Variants in TPCN2 observed in about 807,000 individuals in gnomAD.
The protein encoded by TPCN2 is two pore channel protein 2.
A neutral mutation model predicts 111.4 loss-of-function variants in TPCN2; 92 were observed. That is an observed-to-expected ratio of 0.83 (90% CI 0.70 to 0.98). The LOEUF is 0.98. Among genes scored for constraint, TPCN2 ranks in the 50% least tolerant of loss-of-function variants. The pLI, the probability that TPCN2 is intolerant of heterozygous loss-of-function variation, is 0.00. For synonymous variants in TPCN2, 405 were observed against 414.5 expected (o/e 0.98, Z 0.28); for missense variants, 995 against 980.1 (o/e 1.02, Z -0.20).
intron 1 of TPCN2, among the ~76,000 whole-genome samples, chr11:69,050,789 C>T (rs929873741): frequency 4.6e-5 from 7 of 152,194 alleles, no homozygotes; most frequent in African/African-American, 1.2e-4. Flanking sequence ...CAGGGCCCGG[C>T]GGGCTGGTGT....
At chr11:69,087,383 T>G (rs1022076920) in intron 24 of TPCN2, among the ~76,000 whole-genome samples, 177 bp downstream of exon 24, 1 of 152,164 alleles carries the variant, frequency 6.6e-6, no homozygotes, top group Admixed American at 6.5e-5. Context: ...TCGGGGCGGC[T>G]TCTTCTTCCT....
chr11:69,053,432 G>A (rs1392129596), intron 1 of TPCN2, among the ~76,000 whole-genome samples: 2 of 152,038 alleles, frequency 1.3e-5, no homozygotes, highest in African/African-American at 4.8e-5. Flanking sequence ...CTAGATGCCA[G>A]TTCTCCCTGT....
chr11:69,074,077 A>G (rs1329231780), intron 13 of TPCN2, among the ~76,000 whole-genome samples: 1 of 152,236 alleles, frequency 6.6e-6, no homozygotes, highest in Non-Finnish European at 1.5e-5. Context: ...GGTTAAAGAT[A>G]CGAATTTCGA....
At chr11:69,075,374 C>T (rs1343924097) in intron 13 of TPCN2, among the ~76,000 whole-genome samples, 1 of 152,210 alleles carries the variant, frequency 6.6e-6, no homozygotes, top group Non-Finnish European at 1.5e-5. Context: ...CTACACACAT[C>T]CTTCCGTATA....
intron 13 of TPCN2, among the ~76,000 whole-genome samples, chr11:69,074,105 C>A (rs988929476): frequency 6.6e-6 from 1 of 152,196 alleles, no homozygotes; most frequent in African/African-American, 2.4e-5. Context: ...AAAATTCAAC[C>A]CATAGCAACT....
chr11:69,076,765 C>T lies in TPCN2; in HGVS notation c.1231-1717C>T, dbSNP rs1394907176. Among the ~76,000 whole-genome samples the T allele has an allele frequency of 1.2e-4, 6 of 48,914 alleles. 1 individual carries two copies. Among genetic ancestry groups the T allele is most frequent in the African/African-American group, 2.2e-4 (3 of 13,596 alleles). 32.1% of individuals were successfully genotyped at this position (48,914 alleles called of 152,430 possible). A position where few individuals can be genotyped will look rare whatever the true frequency, so the allele number is the denominator to read the frequency against. ...CTGCCCTCCTGCTGTGTCCCTCCAC[C>T]TGCCCTCCTGCCGTGTCCCTCCACC... On this transcript the variant is annotated intron_variant, in intron 13 of 24. Transcript: ENST00000294309.
In TPCN2 at chr11:69,063,891, C is replaced by T. The variant is rs1321563038; in HGVS notation, c.654-4C>T. On this transcript the variant is annotated splice_polypyrimidine_tract_variant and splice_region_variant and intron_variant, in intron 6 of 24. Coordinates refer to ENST00000294309, the MANE Select transcript of TPCN2 (RefSeq NM_139075.4). ...CCCAGGCTGAGTGCCGTGCTCTCCC[C>T]CAGCGTCGGGCTGCTGCTGGCCATC... 4 of 1,613,660 alleles carry T rather than the reference C, an allele frequency of 2.5e-6. No individual in the cohort carries two copies. The East Asian group carries it at 8.9e-5, about 36-fold the overall frequency.
At position 69,088,574 on chromosome 11, in the gene TPCN2, GC is replaced by G. The variant is rs1002252173; in HGVS notation, c.*622del. 6.5e-6 allele frequency: 1 copy of G among 152,874 alleles called. No individual in the cohort carries two copies. The highest frequency in any genetic ancestry group is 1.5e-5 in the Non-Finnish European group (1 of 68,516). 9.5% of individuals were successfully genotyped at this position (152,874 alleles called of 1,614,324 possible). A position where few individuals can be genotyped will look rare whatever the true frequency, so the allele number is the denominator to read the frequency against. Reference sequence around the variant, plus strand: ...TGGAGTAGGGTTGTTGAGTAAGGTTGCTTGGGTTGTGCATTGCACAAGGGCA... The same window carrying G: ...TGGAGTAGGGTTGTTGAGTAAGGTTGTTGGGTTGTGCATTGCACAAGGGCA... On this transcript the variant is annotated 3_prime_UTR_variant, in exon 25 of 25. Transcript: ENST00000294309.
intron 4 of TPCN2, among the ~76,000 whole-genome samples, chr11:69,056,826 C>T (rs1461611503): frequency 2.0e-5 from 3 of 150,348 alleles, no homozygotes; most frequent in Non-Finnish European, 3.0e-5. Context: ...CCACTGTGCC[C>T]GGCCGTCTTT....
chr11:69,079,745 T>C (rs1855928375), intron 16 of TPCN2, 89 bp from the exon 17 acceptor site: 3 of 1,230,732 alleles, frequency 2.4e-6, no homozygotes, highest in Non-Finnish European at 2.3e-6. Flanking sequence ...GGGGAGAATG[T>C]GTTAGAGATG....
At position 69,087,926 on chromosome 11, in the gene TPCN2, G is replaced by A. The variant is rs1211497356; in HGVS notation, c.2232G>A (p.Gln744=). Residue 744 remains glutamine, a synonymous_variant, in exon 25 of 25, where the codon CAG becomes CAA. Coordinates refer to ENST00000294309, the MANE Select transcript of TPCN2 (RefSeq NM_139075.4). ...GEDELTERLS[Q]HPHLWLCR Reference sequence around the variant, plus strand: ...ATGAGCTCACAGAGAGGCTGAGCCAGCACCCGCACCTGTGGCTGTGCAGGT... The same window carrying A: ...ATGAGCTCACAGAGAGGCTGAGCCAACACCCGCACCTGTGGCTGTGCAGGT... 1 of 1,611,560 alleles carries A rather than the reference G, an allele frequency of 6.2e-7. No homozygotes were observed. The highest frequency in any genetic ancestry group is 1.1e-5 in the South Asian group (1 of 90,686).
chr11:69,057,279 C>A lies in TPCN2; in HGVS notation c.430-299C>A, dbSNP rs116493286. On this transcript the variant is annotated intron_variant, in intron 4 of 24. Transcript: ENST00000294309. ...GCCTTTTCCAGAGTGCATTCCATGT[C>A]TTCTCAGCCTGCACAAGGTGGTTGT... 6.7e-3 allele frequency among the ~76,000 whole-genome samples: 1,028 copies of A among 152,374 alleles called. 14 individuals carry two copies. Among genetic ancestry groups the A allele is most frequent in the African/African-American group, 0.024 (989 of 41,582 alleles).
chr11:69,058,948 A>G (rs1295851678), intron 5 of TPCN2, among the ~76,000 whole-genome samples: 1 of 152,222 alleles, frequency 6.6e-6, no homozygotes, highest in Non-Finnish European at 1.5e-5. Context: ...TAGGATGGGG[A>G]AGGAGACAGG....
At position 69,066,543 on chromosome 11, in the gene TPCN2, C is replaced by T. The variant is rs575341855; in HGVS notation, c.727-960C>T. On this transcript the variant is annotated intron_variant, in intron 7 of 24. Coordinates refer to ENST00000294309, the MANE Select transcript of TPCN2 (RefSeq NM_139075.4). ...GACAGTGCCATTTTATAGGTGAGGC[C>T]TTGGAGGCCTCAGTGCTATTGATGC... Among the ~76,000 whole-genome samples, 14 of 152,340 alleles carry T rather than the reference C, an allele frequency of 9.2e-5. No individual in the cohort carries two copies. The East Asian group carries it at 2.7e-3, about 29-fold the overall frequency.
At chr11:69,065,948 G>A (rs1430447708) in intron 7 of TPCN2, among the ~76,000 whole-genome samples, 3 of 152,158 alleles carry the variant, frequency 2.0e-5, no homozygotes, top group Non-Finnish European at 4.4e-5. Context: ...GGTACGGGAA[G>A]TCATGCCTAG....
At chr11:69,065,885 G>A (rs1855251890) in intron 7 of TPCN2, among the ~76,000 whole-genome samples, 1 of 152,192 alleles carries the variant, frequency 6.6e-6, no homozygotes, top group Non-Finnish European at 1.5e-5. Flanking sequence ...GGTTGGGCAG[G>A]AGCCCAGGGC....
chr11:69,064,097 A>T (rs772852567), intron 7 of TPCN2, 130 bp downstream of exon 7: 52 of 870,964 alleles, frequency 6.0e-5, no homozygotes, highest in Non-Finnish European at 9.6e-5. Context: ...GCAGTGGCCC[A>T]TCTGGGGTCC....
rs144003070 is a variant in TPCN2, at chr11:69,066,771, C to T, written c.727-732C>T. Among the ~76,000 whole-genome samples, 21 of 152,300 alleles carry T rather than the reference C, an allele frequency of 1.4e-4. 1 individual carries two copies. The highest frequency in any genetic ancestry group is 3.1e-4 in the African/African-American group (13 of 41,554). On this transcript the variant is annotated intron_variant, in intron 7 of 24. Transcript: ENST00000294309. ...CAGTTCATACAACCAGTCTGGTTTG[C>T]GGGAACCACCCATCTTCCAGCTGGG...
At position 69,088,131 on chromosome 11, in the gene TPCN2, A is replaced by G. The variant is rs1391500123; in HGVS notation, c.*178A>G. Reference sequence around the variant, plus strand: ...TTTGCGTGTGGCCCAACAACCATCTACAGAACAGCTGCTGGTGCTTCAGGG... The same window carrying G: ...TTTGCGTGTGGCCCAACAACCATCTGCAGAACAGCTGCTGGTGCTTCAGGG... On this transcript the variant is annotated 3_prime_UTR_variant, in exon 25 of 25. Transcript: ENST00000294309. 6 of 585,366 alleles carry G rather than the reference A, an allele frequency of 1.0e-5. No individual in the cohort carries two copies. Among genetic ancestry groups the G allele is most frequent in the Non-Finnish European group, 1.8e-5 (6 of 330,688 alleles). The allele number at this position is 585,366 out of a possible 1,614,324, so 36.3% of individuals were successfully genotyped here. A position where few individuals can be genotyped will look rare whatever the true frequency, so the allele number is the denominator to read the frequency against.
Sources: gnomAD v4.1 joint callset for allele counts (sites outside exome capture counted in the v4.1 genomes callset) on GRCh38, gnomAD v4.1.1 for gene constraint, MANE v1.5 for transcripts, NCBI Gene and HGNC (gene_info 2026-07-23, HGNC 2026-07-21) for gene names.